The following CHRDL2 variants were observed in gnomAD, a reference collection of about 807,000 sequenced individuals.
CHRDL2 encodes the protein chordin-like protein 2.
CHRDL2 carries 41 observed loss-of-function variants against 54.3 expected under a neutral mutation model. The ratio of observed to expected loss-of-function variants is 0.76; its 90% CI spans 0.59 to 0.98. The LOEUF (loss-of-function observed/expected upper bound fraction) is 0.98. Ranked by LOEUF, CHRDL2 falls within the 50% of genes least tolerant of loss-of-function variation. The pLI is 0.00. For synonymous variants in CHRDL2, 220 were observed against 224.3 expected (o/e 0.98, Z 0.17); for missense variants, 518 against 562.4 (o/e 0.92, Z 0.80).
chr11:74,720,519 C>G (rs886933506), intron 1 of CHRDL2, among the ~76,000 whole-genome samples: 3 of 152,172 alleles, frequency 2.0e-5, no homozygotes, highest in African/African-American at 4.8e-5. Context: ...CTCTCTCTGC[C>G]CCACCAGCCA....
chr11:74,710,001 G>A (rs1314781343), intron 4 of CHRDL2, among the ~76,000 whole-genome samples: 2 of 152,150 alleles, frequency 1.3e-5, no homozygotes, highest in Non-Finnish European at 2.9e-5. Flanking sequence ...CAGATCACGA[G>A]GTCAGGAGAT....
intron 1 of CHRDL2, chr11:74,719,082 A>C: frequency 1.3e-4 from 61 of 456,742 alleles, no homozygotes; most frequent in Non-Finnish European, 1.5e-4. Flanking sequence ...CGCTTATCTC[A>C]CAGGGCAGTT....
At chr11:74,702,737 G>GCA in intron 9 of CHRDL2, 57 bp downstream of exon 9, 1 of 1,590,858 alleles carries the variant, frequency 6.3e-7, no homozygotes, top group Non-Finnish European at 8.6e-7. Context: ...GGGGTCTGGG[G>GCA]CACGGGAAGG....
At position 74,718,789 on chromosome 11, in the gene CHRDL2, G is replaced by A. The variant is rs151148265; in HGVS notation, c.126C>T (p.Pro42=). 2.9e-5 allele frequency: 47 copies of A among 1,613,236 alleles called. No individual in the cohort carries two copies. Among genetic ancestry groups the A allele is most frequent in the African/African-American group, 2.5e-4 (19 of 74,896 alleles). Residue 42 remains proline, a synonymous_variant, in exon 2 of 11, where the codon CCC becomes CCT. Transcript: ENST00000376332. ...CCAAGTAGGGGTGCCAGCTCTCGCC[G>A]GGGGAGTATCTCTTCCCATGGAAAA... ...FCLFHGKRYS[P]GESWHPYLEP...
At position 74,730,994 on chromosome 11, in the gene CHRDL2, A is replaced by G; in HGVS notation, c.-106T>C. 1 of 895,522 alleles carries G rather than the reference A, an allele frequency of 1.1e-6. No homozygotes were observed. Among genetic ancestry groups the G allele is most frequent in the South Asian group, 1.7e-5 (1 of 59,788 alleles). The allele number at this position is 895,522 out of a possible 1,614,324, so 55.5% of individuals were successfully genotyped here. ...CACAGATCAACCCACAGACCCCAGGAGGTCTGCTGCTAGAGCGGGGTCGGA... is the reference window on the plus strand; with the variant it reads ...CACAGATCAACCCACAGACCCCAGGGGGTCTGCTGCTAGAGCGGGGTCGGA... On this transcript the variant is annotated 5_prime_UTR_variant, in exon 1 of 11. Transcript: ENST00000376332.
intron 4 of CHRDL2, among the ~76,000 whole-genome samples, chr11:74,709,587 A>C (rs1285309734): frequency 6.6e-6 from 1 of 152,148 alleles, no homozygotes; most frequent in Non-Finnish European, 1.5e-5. Context: ...ATTTATAAGT[A>C]GTCACTCCTC....
chr11:74,721,179 G>T (rs1436523855), intron 1 of CHRDL2, among the ~76,000 whole-genome samples: 1 of 143,254 alleles, frequency 7.0e-6, no homozygotes, highest in East Asian at 1.9e-4. Flanking sequence ...CTGGGGTGCT[G>T]GTCAGAGCCA....
chr11:74,726,274 CCT>C (rs1231717665), intron 1 of CHRDL2, among the ~76,000 whole-genome samples: 1 of 152,148 alleles, frequency 6.6e-6, no homozygotes, highest in Non-Finnish European at 1.5e-5. Flanking sequence ...CATCCAGTCC[CCT>C]GTTTCCTTTG....
In CHRDL2 at chr11:74,723,859, T is replaced by C. The variant is rs1277043560; in HGVS notation, c.83-5027A>G. Among the ~76,000 whole-genome samples, 54 of 152,182 alleles carry C rather than the reference T, an allele frequency of 3.5e-4. 1 individual carries two copies. The highest frequency in any genetic ancestry group is 3.5e-3 in the Admixed American group (54 of 15,286). On this transcript the variant is annotated intron_variant, in intron 1 of 10. Coordinates refer to ENST00000376332, the MANE Select transcript of CHRDL2 (RefSeq NM_001278473.3). ...TTCTTTATTTCTGGAATTTCCAATT[T>C]AACATTTTGGACCAAGGTTAATCAC...
At chr11:74,716,763 T>G (rs746252078) in intron 2 of CHRDL2, among the ~76,000 whole-genome samples, 11 of 151,824 alleles carry the variant, frequency 7.2e-5, no homozygotes, top group Non-Finnish European at 1.3e-4. Flanking sequence ...TGGAGGGTTT[T>G]AAGAGCAGAA....
chr11:74,710,635 A>G (rs1271160013), intron 4 of CHRDL2, among the ~76,000 whole-genome samples: 1 of 152,216 alleles, frequency 6.6e-6, no homozygotes. Context: ...ACTGGGGGAA[A>G]CAGAAGGCTC....
Position 74,696,461 on chromosome 11 carries a change from A to G in CHRDL2, c.*48T>C, listed in dbSNP as rs761013868. ...AATGCAACTTCTTATTTATTAATAT[A>G]TAATAACAACAATTATACAGCTCAT... On this transcript the variant is annotated 3_prime_UTR_variant, in exon 11 of 11. Transcript: ENST00000376332. The G allele has an allele frequency of 1.3e-5, 18 of 1,437,700 alleles. No homozygotes were observed. The highest frequency in any genetic ancestry group is 1.7e-5 in the Admixed American group (1 of 59,284). 89.1% of individuals were successfully genotyped at this position (1,437,700 alleles called of 1,614,324 possible).
intron 9 of CHRDL2, among the ~76,000 whole-genome samples, chr11:74,702,588 G>GC (rs1409568675): frequency 6.6e-6 from 1 of 152,162 alleles, no homozygotes; most frequent in Admixed American, 6.5e-5. Flanking sequence ...TCGAGCCTTG[G>GC]CATTAGCAGG....
At chr11:74,703,857 C>A (rs940241138) in intron 7 of CHRDL2, among the ~76,000 whole-genome samples, 34 of 152,184 alleles carry the variant, frequency 2.2e-4, no homozygotes, top group Admixed American at 2.2e-3. Flanking sequence ...CCCTTTCCCC[C>A]CTCTGCCTCA....
At chr11:74,717,116 A>C (rs961041277) in intron 2 of CHRDL2, among the ~76,000 whole-genome samples, 7 of 151,458 alleles carry the variant, frequency 4.6e-5, no homozygotes, top group South Asian at 2.1e-4. Context: ...AAACAAAAAA[A>C]AAAAACCATT....
At chr11:74,704,840 G>T in intron 6 of CHRDL2, 186 bp from the exon 7 acceptor site, 2 of 618,086 alleles carry the variant, frequency 3.2e-6, no homozygotes, top group Non-Finnish European at 2.8e-6. Context: ...CAGACAGTTC[G>T]ATCTTTGAAA....
At chr11:74,721,455 C>T (rs1428509245) in intron 1 of CHRDL2, among the ~76,000 whole-genome samples, 1 of 152,186 alleles carries the variant, frequency 6.6e-6, no homozygotes, top group African/African-American at 2.4e-5. Flanking sequence ...CACCAACAGA[C>T]CTGGCAGAGG....
chr11:74,711,796 T>C (rs1234672040), intron 3 of CHRDL2, among the ~76,000 whole-genome samples: 2 of 148,490 alleles, frequency 1.3e-5, no homozygotes, highest in Non-Finnish European at 3.0e-5. Flanking sequence ...GCAACATTTT[T>C]TAAATTTTTT....
chr11:74,719,192 T>C (rs1395097855), intron 1 of CHRDL2: 1 of 181,522 alleles, frequency 5.5e-6, no homozygotes, highest in Non-Finnish European at 1.1e-5. Flanking sequence ...AAGTTACACC[T>C]GAGGGCCACA....
Sources: gnomAD v4.1 joint callset for allele counts (sites outside exome capture counted in the v4.1 genomes callset) on GRCh38, gnomAD v4.1.1 for gene constraint, MANE v1.5 for transcripts, NCBI Gene and HGNC (gene_info 2026-07-23, HGNC 2026-07-21) for gene names.